Variants in ARHGAP21 observed in about 807,000 individuals in gnomAD.
The protein encoded by ARHGAP21 is Rho GTPase activating protein 21.
Under a neutral mutation model 164.6 loss-of-function variants are expected in ARHGAP21, and 38 were observed. The observed-to-expected ratio is 0.23, with a 90% CI of 0.18 to 0.30. ARHGAP21 has a LOEUF of 0.30. ARHGAP21 is among the 10% of genes least tolerant of loss of function. The pLI, the probability that ARHGAP21 is intolerant of heterozygous loss-of-function variation, is 1.00. For synonymous variants in ARHGAP21, 766 were observed against 857.9 expected, an observed-to-expected ratio of 0.89 and a Z score of 1.87; for missense variants, 1,822 against 2,370.7, an observed-to-expected ratio of 0.77 and a Z score of 4.81.
intron 4 of ARHGAP21, among the ~76,000 whole-genome samples, chr10:24,644,470 G>A (rs996123457): frequency 6.6e-6 from 1 of 152,134 alleles, no homozygotes; most frequent in African/African-American, 2.4e-5. Flanking sequence ...GTCACGGTTT[G>A]CTGCTCTAAT....
At chr10:24,643,819 T>C (rs1192234460) in intron 4 of ARHGAP21, among the ~76,000 whole-genome samples, 1 of 152,218 alleles carries the variant, frequency 6.6e-6, no homozygotes, top group Non-Finnish European at 1.5e-5. Context: ...AAAAGTCTCT[T>C]GCTTGCATTT....
intron 9 of ARHGAP21, among the ~76,000 whole-genome samples, chr10:24,611,265 G>A (rs1202342254): frequency 6.6e-6 from 1 of 152,160 alleles, no homozygotes; most frequent in African/African-American, 2.4e-5. Flanking sequence ...TTCAATACAT[G>A]GACAGTGAGA....
Position 24,657,611 on chromosome 10 carries a change from C to T in ARHGAP21, c.268+9374G>A, listed in dbSNP as rs1186015330. Among the ~76,000 whole-genome samples the T allele has an allele frequency of 2.1e-3, 265 of 128,586 alleles. 1 individual carries two copies. Among genetic ancestry groups the T allele is most frequent in the Middle Eastern group, 7.9e-3 (2 of 254 alleles). The allele number at this position is 128,586 out of a possible 152,430, so 84.4% of individuals were successfully genotyped here. A position where few individuals can be genotyped will look rare whatever the true frequency, so the allele number is the denominator to read the frequency against. On this transcript the variant is annotated intron_variant, in intron 4 of 25. Transcript: ENST00000396432. ...ATGGCTGCTTTGTGGAATAGAAAGGCGGGAAAGGTGGGGAAAAGATTGAGA... is the reference window on the plus strand; with the variant it reads ...ATGGCTGCTTTGTGGAATAGAAAGGTGGGAAAGGTGGGGAAAAGATTGAGA...
chr10:24,629,520 T>C (rs1835640421), intron 7 of ARHGAP21: 2 of 158,680 alleles, frequency 1.3e-5, no homozygotes, highest in Admixed American at 1.3e-4. Context: ...ACAATACTGC[T>C]TGGTGAATTT....
chr10:24,587,414 G>A (rs927688413), intron 25 of ARHGAP21, among the ~76,000 whole-genome samples: 6 of 152,080 alleles, frequency 3.9e-5, no homozygotes, highest in African/African-American at 1.4e-4. Flanking sequence ...TTTCTCTATT[G>A]CCTGCAAATC....
intron 2 of ARHGAP21, 80 bp downstream of exon 2, chr10:24,721,757 G>A (rs1262066192): frequency 2.6e-6 from 4 of 1,535,292 alleles, no homozygotes; most frequent in African/African-American, 1.4e-5. Context: ...GAGGCCCCGT[G>A]GCCGGTAACC....
intron 25 of ARHGAP21, among the ~76,000 whole-genome samples, chr10:24,586,843 T>G (rs1332450748): frequency 1.3e-5 from 2 of 152,012 alleles, no homozygotes; most frequent in African/African-American, 4.8e-5. Flanking sequence ...AGCCCAGAAG[T>G]TCGAGATCAG....
chr10:24,718,530 TAGAG>T (rs926970493), intron 2 of ARHGAP21, among the ~76,000 whole-genome samples: 2 of 151,310 alleles, frequency 1.3e-5, no homozygotes, highest in African/African-American at 4.9e-5. Context: ...AAGAGGCAGA[TAGAG>T]AGGGAGATAG....
chr10:24,692,064 G>A (rs1412018212), intron 2 of ARHGAP21, among the ~76,000 whole-genome samples: 1 of 152,226 alleles, frequency 6.6e-6, no homozygotes. Flanking sequence ...AAGAAGGGCA[G>A]TAACACTGCT....
intron 2 of ARHGAP21, among the ~76,000 whole-genome samples, chr10:24,700,116 C>CCT (rs1404076157): frequency 1.3e-5 from 2 of 152,110 alleles, no homozygotes; most frequent in Non-Finnish European, 2.9e-5. Context: ...GGTTAATAGG[C>CCT]CTCTGTCCTT....
Position 24,721,953 on chromosome 10 carries a change from G to A in ARHGAP21, c.-54C>T. 1 of 1,580,274 alleles carries A rather than the reference G, an allele frequency of 6.3e-7. No homozygotes were observed. ...ATCCTTTGGAGTCCACATTGGACGT[G>A]GCGGGGAATGCCACCACACACCCGA... On this transcript the variant is annotated 5_prime_UTR_variant, in exon 2 of 26. Coordinates refer to ENST00000396432, the MANE Select transcript of ARHGAP21 (RefSeq NM_020824.4).
intron 12 of ARHGAP21, among the ~76,000 whole-genome samples, chr10:24,603,534 A>C (rs2076900090): frequency 1.3e-5 from 2 of 152,216 alleles, no homozygotes; most frequent in African/African-American, 4.8e-5. Context: ...GGGTGCAGAC[A>C]ACAGTGAGTG....
chr10:24,636,022 T>C (rs1458610571), intron 4 of ARHGAP21, among the ~76,000 whole-genome samples: 2 of 152,200 alleles, frequency 1.3e-5, no homozygotes, highest in Admixed American at 6.5e-5. Context: ...GAGGAGAGCA[T>C]GATCAACCCC....
At chr10:24,592,817 G>T (rs2076395377) in intron 21 of ARHGAP21, among the ~76,000 whole-genome samples, 1 of 151,878 alleles carries the variant, frequency 6.6e-6, no homozygotes, top group African/African-American at 2.4e-5. Flanking sequence ...ATACATGAAA[G>T]GTTATAGATT....
At chr10:24,635,323 G>A (rs957462663) in intron 4 of ARHGAP21, among the ~76,000 whole-genome samples, 1 of 152,116 alleles carries the variant, frequency 6.6e-6, no homozygotes, top group African/African-American at 2.4e-5. Flanking sequence ...ACACTGTAAT[G>A]CTTTCCATTT....
chr10:24,589,186 A>G, intron 25 of ARHGAP21, 85 bp downstream of exon 25: 1 of 1,131,318 alleles, frequency 8.8e-7, no homozygotes, highest in East Asian at 2.4e-5. Context: ...AGACATAGAG[A>G]GGAATGCATT....
Position 24,635,041 on chromosome 10 carries a change from C to T in ARHGAP21, c.331G>A (p.Gly111Arg). The T allele has an allele frequency of 1.2e-6, 2 of 1,600,592 alleles. No homozygotes were observed. Among genetic ancestry groups the T allele is most frequent in the Non-Finnish European group, 1.7e-6 (2 of 1,174,892 alleles). The change falls in exon 5 of 26, where the codon GGA becomes AGA. Residue 111 changes from glycine (G) to arginine (R), a missense_variant. Physicochemically the swap from Gly to Arg is moderately radical, Grantham distance 125. This residue lies in a region of ARHGAP21 where 1,090 missense variants were observed against 1,378.9 expected (regional missense o/e 0.79). Coordinates refer to ENST00000396432, the MANE Select transcript of ARHGAP21 (RefSeq NM_020824.4). ...CATAATCCAGCTTCAAAAGCAGGTC[C>T]TCCTTCTTTAACTTGCTTAACAAAT... is the stretch of plus-strand genomic sequence containing the variant. Reference protein sequence around the residue: ...TIFVKQVKEGGPAFEAGLCTG... With the variant: ...TIFVKQVKEGRPAFEAGLCTG...
At position 24,620,424 on chromosome 10, in the gene ARHGAP21, G is replaced by C; in HGVS notation, c.1471C>G (p.His491Asp). ...LTSPSVSFSN[H>D]RTRSWDYIEG... The stretch of plus-strand genomic sequence containing the variant: ...ATATAATCCCATGAACGAGTTCTAT[G>C]ATTACTAAAACTAACAGATGGAGAC... The change falls in exon 9 of 26, where the codon CAT becomes GAT. Residue 491 changes from histidine (H) to aspartate (D), a missense_variant. Physicochemically the swap from His to Asp is moderately conservative, Grantham distance 81 (BLOSUM62 -1). Around this residue, in one of 5 missense-constraint regions of ARHGAP21, gnomAD observed 1,090 missense variants for 1,378.9 expected, o/e 0.79. Coordinates refer to ENST00000396432, the MANE Select transcript of ARHGAP21 (RefSeq NM_020824.4). The C allele has an allele frequency of 1.9e-6, 3 of 1,611,502 alleles. No homozygotes were observed. Among genetic ancestry groups the C allele is most frequent in the Non-Finnish European group, 2.5e-6 (3 of 1,178,208 alleles).
chr10:24,719,266 C>T (rs1845701695), intron 2 of ARHGAP21, among the ~76,000 whole-genome samples: 1 of 152,190 alleles, frequency 6.6e-6, no homozygotes, highest in South Asian at 2.1e-4. Flanking sequence ...ACATATTCTA[C>T]TGAACTGTCC....
Sources: allele counts gnomAD v4.1 joint callset (sites outside exome capture counted in the v4.1 genomes callset), GRCh38; gene constraint gnomAD v4.1.1; regional missense constraint gnomAD v4.1.1; transcripts MANE v1.5; gene names NCBI Gene and HGNC (gene_info 2026-07-23, HGNC 2026-07-21).